The following ZNHIT3 variants were observed in gnomAD, a reference collection of about 807,000 sequenced individuals.
ZNHIT3 encodes the protein zinc finger HIT domain-containing protein 3.
A neutral mutation model predicts 19.9 loss-of-function variants in ZNHIT3; 27 were observed. That is an observed-to-expected ratio of 1.36 (90% CI 1.00 to 1.87). The LOEUF is 1.87. Ranked by LOEUF, ZNHIT3 falls within the 40% of genes most tolerant of loss-of-function variation. The probability of loss-of-function intolerance (pLI) is 0.00; values close to 1 mark genes in which losing one functional copy is unlikely to be tolerated. For missense variants in ZNHIT3, 215 were observed against 185.6 expected, an observed-to-expected ratio of 1.16 and a Z score of -0.92; for synonymous variants, 81 against 65.7, an observed-to-expected ratio of 1.23 and a Z score of -1.13.
chr17:36,497,749 C>G (rs1374962969), downstream of ZNHIT3: 1 of 162,050 alleles, frequency 6.2e-6, no homozygotes, highest in Non-Finnish European at 1.3e-5. Flanking sequence ...TACGCCCAAC[C>G]AATTTTTGTA....
At position 36,495,644 on chromosome 17, in the gene ZNHIT3, A is replaced by C. The variant is rs1012435596; in HGVS notation, c.*240A>C. 5.3e-5 allele frequency: 69 copies of C among 1,289,910 alleles called. No individual in the cohort carries two copies. Among genetic ancestry groups the C allele is most frequent in the Non-Finnish European group, 6.7e-5 (68 of 1,022,338 alleles). 79.9% of individuals were successfully genotyped at this position (1,289,910 alleles called of 1,614,324 possible). A position where few individuals can be genotyped will look rare whatever the true frequency, so the allele number is the denominator to read the frequency against. On this transcript the variant is annotated 3_prime_UTR_variant, in exon 5 of 5. Coordinates refer to ENST00000617429, the MANE Select transcript of ZNHIT3 (RefSeq NM_004773.4). ...ACTTGACATTCAGATGATTGTTTTTAAATGTTTTACTTTTGGTACAGTTGA... is the reference window on the plus strand; with the variant it reads ...ACTTGACATTCAGATGATTGTTTTTCAATGTTTTACTTTTGGTACAGTTGA...
At chr17:36,498,791 T>C (rs1014681345), downstream of ZNHIT3, 7 of 599,062 alleles carry the variant, frequency 1.2e-5, no homozygotes, top group Non-Finnish European at 2.1e-5. Context: ...TAAGAGTCCA[T>C]CAAGATATAA....
chr17:36,497,122 G>T (rs1214004213), downstream of ZNHIT3, among the ~76,000 whole-genome samples: 1 of 151,896 alleles, frequency 6.6e-6, no homozygotes, highest in Non-Finnish European at 1.5e-5. Context: ...TTGAGGTCAG[G>T]AGTTTGAGAC....
chr17:36,498,846 G>GT (rs1178292652), downstream of ZNHIT3: 18 of 592,072 alleles, frequency 3.0e-5, no homozygotes, highest in Admixed American at 3.3e-4. Flanking sequence ...ACATCCCAGA[G>GT]TTTGGTATAT....
At position 36,495,562 on chromosome 17, in the gene ZNHIT3, C is replaced by T; in HGVS notation, c.*158C>T. ...CAGGCCTTTACCGGCATTGATGTGG[C>T]TCATGTTTCAGGCAGACTTGGGGTC... is the stretch of plus-strand genomic sequence containing the variant. On this transcript the variant is annotated 3_prime_UTR_variant, in exon 5 of 5. Coordinates refer to ENST00000617429, the MANE Select transcript of ZNHIT3 (RefSeq NM_004773.4). 7.6e-7 allele frequency: 1 copy of T among 1,319,488 alleles called. No homozygotes were observed. The highest frequency in any genetic ancestry group is 1.5e-5 in the African/African-American group (1 of 66,596). 81.7% of individuals were successfully genotyped at this position (1,319,488 alleles called of 1,614,324 possible).
chr17:36,488,350 G>C (rs2070636644), intron 2 of ZNHIT3, among the ~76,000 whole-genome samples: 1 of 152,052 alleles, frequency 6.6e-6, no homozygotes, highest in Non-Finnish European at 1.5e-5. Context: ...TTCGAGACCA[G>C]CCTGGCCAAC....
chr17:36,486,886 G>C (rs2070569162), intron 1 of ZNHIT3, 49 bp from the exon 2 acceptor site: 5 of 1,594,514 alleles, frequency 3.1e-6, no homozygotes, highest in Non-Finnish European at 3.4e-6. Context: ...CTGCTGGAGG[G>C]GCCGGGGACC....
At chr17:36,486,824 C>T in intron 1 of ZNHIT3, 39 bp downstream of exon 1, 3 of 1,601,304 alleles carry the variant, frequency 1.9e-6, no homozygotes, top group Non-Finnish European at 2.5e-6. Flanking sequence ...GCGCGGGTGT[C>T]CGGCCATGGC....
chr17:36,495,485 G>T lies in ZNHIT3; in HGVS notation c.*81G>T. ...CTCCCTCTCCCAGACCAGCTAGTTT[G>T]GGGCTGGGGAGCTCAGGCAAAAGAG... On this transcript the variant is annotated 3_prime_UTR_variant, in exon 5 of 5. Transcript: ENST00000617429. 1 of 1,447,800 alleles carries T rather than the reference G, an allele frequency of 6.9e-7. No individual in the cohort carries two copies. The allele number at this position is 1,447,800 out of a possible 1,614,324, so 89.7% of individuals were successfully genotyped here.
downstream of ZNHIT3, chr17:36,496,280 T>TC: frequency 6.2e-7 from 1 of 1,613,884 alleles, no homozygotes. Flanking sequence ...GCAGAAGAGG[T>TC]CACGTGGATC....
downstream of ZNHIT3, chr17:36,497,603 T>A (rs905815335): frequency 4.6e-6 from 4 of 864,404 alleles, no homozygotes; most frequent in African/African-American, 3.6e-5. Context: ...TTTTTTTTTT[T>A]AGATGGACTC....
downstream of ZNHIT3, among the ~76,000 whole-genome samples, chr17:36,497,249 A>T (rs1189207309): frequency 1.3e-5 from 2 of 151,970 alleles, no homozygotes; most frequent in Non-Finnish European, 2.9e-5. Context: ...GAGGCAGGAG[A>T]ATCGCTTAAA....
chr17:36,488,401 T>C (rs1179605927), intron 2 of ZNHIT3, among the ~76,000 whole-genome samples: 1 of 151,482 alleles, frequency 6.6e-6, no homozygotes, highest in African/African-American at 2.4e-5. Context: ...AAAAATAAGC[T>C]GGGTGTGGAG....
At chr17:36,497,533 T>C, downstream of ZNHIT3, 1 of 985,218 alleles carries the variant, frequency 1.0e-6, no homozygotes, top group Non-Finnish European at 1.2e-6. Flanking sequence ...TTTTTTGCTA[T>C]GTCTCGTGAA....
intron 4 of ZNHIT3, among the ~76,000 whole-genome samples, chr17:36,494,367 T>C (rs190648639): frequency 2.0e-5 from 3 of 152,366 alleles, no homozygotes; most frequent in Admixed American, 2.0e-4. Context: ...CTGTTACATT[T>C]CATGGTAATT....
chr17:36,491,710 C>T (rs995523607), intron 2 of ZNHIT3: 1 of 152,016 alleles, frequency 6.6e-6, no homozygotes, highest in African/African-American at 2.4e-5. Flanking sequence ...TTCTTGCTGA[C>T]ATCCAACTGT....
intron 2 of ZNHIT3, chr17:36,491,222 C>G (rs1444375202): frequency 6.6e-6 from 1 of 152,252 alleles, no homozygotes; most frequent in East Asian, 1.9e-4. Context: ...GTGGTATTCT[C>G]TCCTCCCTTT....
intron 3 of ZNHIT3, 135 bp downstream of exon 3, chr17:36,493,034 G>T: frequency 1.3e-6 from 1 of 795,606 alleles, no homozygotes; most frequent in South Asian, 1.5e-5. Context: ...TTAGCCTTGA[G>T]CATCAGGAGT....
chr17:36,486,922 T>G lies in ZNHIT3; in HGVS notation c.87-13T>G. The G allele has an allele frequency of 1.2e-6, 2 of 1,608,820 alleles. No homozygotes were observed. Among genetic ancestry groups the G allele is most frequent in the Non-Finnish European group, 1.7e-6 (2 of 1,178,708 alleles). ...CTCGGGGCTGACGCGGCCTGTGGCCTCTGTTGTTACAGCTGCTCGGTAGTC... is the reference window on the plus strand; with the variant it reads ...CTCGGGGCTGACGCGGCCTGTGGCCGCTGTTGTTACAGCTGCTCGGTAGTC... On this transcript the variant is annotated splice_polypyrimidine_tract_variant and intron_variant, in intron 1 of 4. Coordinates refer to ENST00000617429, the MANE Select transcript of ZNHIT3 (RefSeq NM_004773.4).
Sources: allele counts gnomAD v4.1 joint callset (sites outside exome capture counted in the v4.1 genomes callset), GRCh38; gene constraint gnomAD v4.1.1; transcripts MANE v1.5; gene names NCBI Gene and HGNC (gene_info 2026-07-23, HGNC 2026-07-21).